The following AUTS2 variants were observed in gnomAD, a reference collection of about 807,000 sequenced individuals.
AUTS2 encodes the protein autism susceptibility gene 2 protein.
In AUTS2, 17 loss-of-function variants were observed where a neutral mutation model predicts 112.4. The observed-to-expected ratio is 0.15, with a 90% CI of 0.10 to 0.23. The LOEUF is 0.23. Among genes scored for constraint, AUTS2 ranks in the 10% least tolerant of loss-of-function variants. The pLI is 1.00. For synonymous variants in AUTS2, 751 were observed against 702.7 expected (o/e 1.07, Z -1.09); for missense variants, 1,510 against 1,701.6 (o/e 0.89, Z 1.98).
chr7:70,110,552 T>A (rs977488425), intron 2 of AUTS2, among the ~76,000 whole-genome samples: 1 of 152,060 alleles, frequency 6.6e-6, no homozygotes, highest in African/African-American at 2.4e-5. Context: ...ATAAATAAAT[T>A]ATTAACTTAG....
intron 2 of AUTS2, among the ~76,000 whole-genome samples, chr7:70,099,961 G>A (rs1210760830): frequency 6.6e-6 from 1 of 151,964 alleles, no homozygotes; most frequent in African/African-American, 2.4e-5. Flanking sequence ...CATATTGTTG[G>A]CAAGTAAAGC....
chr7:69,780,349 TA>T (rs1193598540), intron 1 of AUTS2, among the ~76,000 whole-genome samples: 1 of 152,232 alleles, frequency 6.6e-6, no homozygotes, highest in Non-Finnish European at 1.5e-5. Context: ...TCCAAAGTTA[TA>T]AAATAAATAC....
At chr7:70,545,353 C>A (rs1353372299) in intron 5 of AUTS2, among the ~76,000 whole-genome samples, 1 of 152,228 alleles carries the variant, frequency 6.6e-6, no homozygotes, top group Non-Finnish European at 1.5e-5. Context: ...AGGGTTCCAT[C>A]TCTTCGGAGA....
chr7:69,829,085 C>T (rs75699465), intron 1 of AUTS2, among the ~76,000 whole-genome samples: 1 of 152,062 alleles, frequency 6.6e-6, no homozygotes, highest in Admixed American at 6.5e-5. Flanking sequence ...AGAAATAGGA[C>T]CACACATCTA....
At chr7:70,683,023 TC>T (rs1442359611) in intron 5 of AUTS2, among the ~76,000 whole-genome samples, 2 of 152,230 alleles carry the variant, frequency 1.3e-5, no homozygotes, top group Admixed American at 1.3e-4. Flanking sequence ...ATTCTATTCA[TC>T]AAAACAGTCA....
At chr7:70,400,288 T>C (rs957410821) in intron 4 of AUTS2, among the ~76,000 whole-genome samples, 1 of 152,166 alleles carries the variant, frequency 6.6e-6, no homozygotes, top group Non-Finnish European at 1.5e-5. Context: ...TGATAGAACA[T>C]GTATGAGACA....
intron 4 of AUTS2, among the ~76,000 whole-genome samples, chr7:70,185,836 G>T (rs1421994511): frequency 6.6e-6 from 1 of 152,212 alleles, no homozygotes. Flanking sequence ...AGTGTCATCA[G>T]TGGGGCCTAC....
At chr7:70,070,965 C>T (rs1802740206) in intron 2 of AUTS2, among the ~76,000 whole-genome samples, 1 of 151,168 alleles carries the variant, frequency 6.6e-6, no homozygotes, top group Non-Finnish European at 1.5e-5. Context: ...AAAGCCTTAA[C>T]ACTTGAGAAT....
At chr7:69,756,996 C>T (rs1787970790) in intron 1 of AUTS2, among the ~76,000 whole-genome samples, 1 of 152,174 alleles carries the variant, frequency 6.6e-6, no homozygotes, top group Non-Finnish European at 1.5e-5. Context: ...TACTTTGCCA[C>T]AGCACTCTGC....
chr7:70,609,575 G>GTTTTTTTTTTTTTTTTTT (rs1563074112), intron 5 of AUTS2, among the ~76,000 whole-genome samples: 1 of 140,680 alleles, frequency 7.1e-6, no homozygotes, highest in African/African-American at 2.9e-5. Flanking sequence ...TGTTTTTTTT[G>GTTTTTTTTTTTTTTTTTT]TTTTGTTTTT....
intron 8 of AUTS2, among the ~76,000 whole-genome samples, chr7:70,765,650 G>A (rs1334123341): frequency 6.6e-6 from 1 of 152,170 alleles, no homozygotes; most frequent in African/African-American, 2.4e-5. Context: ...CCTGCCGTGT[G>A]AACAGCTGAC....
chr7:69,779,370 G>T lies in AUTS2; in HGVS notation c.310-119916G>T, dbSNP rs143445837. On this transcript the variant is annotated intron_variant, in intron 1 of 18. Coordinates refer to ENST00000342771, the MANE Select transcript of AUTS2 (RefSeq NM_015570.4). Reference sequence around the variant, plus strand: ...CCAGGCATTAGAAAGGATGGGAAGAGCTTGTTTCCTGATCTTTACAAAAAA... The same window carrying T: ...CCAGGCATTAGAAAGGATGGGAAGATCTTGTTTCCTGATCTTTACAAAAAA... Among the ~76,000 whole-genome samples, 88 of 152,324 alleles carry T rather than the reference G, an allele frequency of 5.8e-4. 1 individual carries two copies. The highest frequency in any genetic ancestry group is 1.9e-3 in the African/African-American group (78 of 41,576).
intron 2 of AUTS2, among the ~76,000 whole-genome samples, chr7:70,016,746 C>T (rs1364079280): frequency 6.6e-6 from 1 of 151,442 alleles, no homozygotes; most frequent in Admixed American, 6.6e-5. Context: ...CAGCTTACTG[C>T]AACCTCCACC....
chr7:70,639,241 T>A (rs2129539820), intron 5 of AUTS2, among the ~76,000 whole-genome samples: 1 of 152,298 alleles, frequency 6.6e-6, no homozygotes, highest in Non-Finnish European at 1.5e-5. Flanking sequence ...AAAAATCTGG[T>A]TCTCAGATAA....
chr7:70,409,752 G>A (rs1794696672), intron 4 of AUTS2, among the ~76,000 whole-genome samples: 1 of 152,164 alleles, frequency 6.6e-6, no homozygotes, highest in Admixed American at 6.5e-5. Context: ...CACGTATTAT[G>A]CTAATAAAAA....
At chr7:70,450,342 ACT>A (rs938808651) in intron 5 of AUTS2, among the ~76,000 whole-genome samples, 1 of 152,164 alleles carries the variant, frequency 6.6e-6, no homozygotes, top group Non-Finnish European at 1.5e-5. Context: ...AATGCAAAAA[ACT>A]GAGCCATACT....
intron 2 of AUTS2, among the ~76,000 whole-genome samples, chr7:70,079,089 C>T (rs1393033696): frequency 1.3e-5 from 2 of 152,086 alleles, no homozygotes; most frequent in African/African-American, 4.8e-5. Context: ...TGATAACCAT[C>T]AAGGGAAGGA....
chr7:70,136,950 T>C (rs1259089510), intron 4 of AUTS2, among the ~76,000 whole-genome samples: 1 of 152,222 alleles, frequency 6.6e-6, no homozygotes, highest in Non-Finnish European at 1.5e-5. Context: ...AGTATATACA[T>C]GTGCAGGTGT....
chr7:69,752,104 G>A (rs753864311), intron 1 of AUTS2, among the ~76,000 whole-genome samples: 3 of 152,136 alleles, frequency 2.0e-5, no homozygotes, highest in African/African-American at 4.8e-5. Context: ...CAGTGCCCCT[G>A]TACTGACTAA....
Sources: gnomAD v4.1 joint callset for allele counts (sites outside exome capture counted in the v4.1 genomes callset) on GRCh38, gnomAD v4.1.1 for gene constraint, MANE v1.5 for transcripts, NCBI Gene and HGNC (gene_info 2026-07-23, HGNC 2026-07-21) for gene names.